The following DENND2B variants were observed in gnomAD, a reference collection of about 807,000 sequenced individuals.
DENND2B encodes the protein DENN domain containing 2B, also known as DENN domain-containing protein 2B.
DENND2B carries 32 observed loss-of-function variants against 116.0 expected under a neutral mutation model. The observed-to-expected ratio is 0.28, with a 90% CI of 0.21 to 0.37. The LOEUF (loss-of-function observed/expected upper bound fraction) is 0.37. Ranked by LOEUF, DENND2B falls within the 10% of genes least tolerant of loss-of-function variation. The probability of loss-of-function intolerance (pLI) is 1.00; values close to 1 mark genes in which losing one functional copy is unlikely to be tolerated. For missense variants in DENND2B, 1,276 were observed against 1,477.7 expected (o/e 0.86, Z 2.24); for synonymous variants, 588 against 583.9 (o/e 1.01, Z -0.10).
At chr11:8,891,580 G>A (rs2064033800) in intron 1 of DENND2B, among the ~76,000 whole-genome samples, 2 of 152,034 alleles carry the variant, frequency 1.3e-5, no homozygotes, top group South Asian at 2.1e-4. Context: ...AAAAAGGCAG[G>A]GGTTGCAATC....
chr11:8,872,521 C>G (rs2063799436), upstream of DENND2B, among the ~76,000 whole-genome samples: 1 of 151,508 alleles, frequency 6.6e-6, no homozygotes, highest in African/African-American at 2.4e-5. Context: ...AAGATACATC[C>G]TGGAAATAAT....
intron 5 of DENND2B, among the ~76,000 whole-genome samples, chr11:8,716,083 T>C (rs754222310): frequency 6.6e-6 from 1 of 152,230 alleles, no homozygotes; most frequent in Non-Finnish European, 1.5e-5. Flanking sequence ...TGCTCTCATC[T>C]GAGTGGAAAA....
In DENND2B at chr11:8,712,056, A is replaced by G. The variant is rs1216965997; in HGVS notation, c.2172+495T>C. 4.4e-6 allele frequency: 2 copies of G among 453,076 alleles called. No homozygotes were observed. Among genetic ancestry groups the G allele is most frequent in the South Asian group, 3.1e-5 (2 of 64,324 alleles). 28.1% of individuals were successfully genotyped at this position (453,076 alleles called of 1,614,324 possible). A position where few individuals can be genotyped will look rare whatever the true frequency, so the allele number is the denominator to read the frequency against. On this transcript the variant is annotated intron_variant, in intron 9 of 19. Transcript: ENST00000313726. This position sits in a 1 kb window ranked among gnomAD's most constrained non-coding sequence, Gnocchi z 4.4. ...ACATTCCTGGCAGAGGCAATGGCAG[A>G]GAGAGAGGGGTTGAGTGTGAGAGGA...
intron 4 of DENND2B, among the ~76,000 whole-genome samples, chr11:8,722,810 A>G (rs965865494): frequency 6.6e-6 from 1 of 152,114 alleles, no homozygotes; most frequent in Non-Finnish European, 1.5e-5. Flanking sequence ...CATCCGATGC[A>G]GTATATTCCC....
At chr11:8,785,760 T>A (rs2058844101) in intron 1 of DENND2B, 1 of 152,216 alleles carries the variant, frequency 6.6e-6, no homozygotes, top group Non-Finnish European at 1.5e-5. Context: ...CTCCCATTTG[T>A]ACATGGAAGG....
At chr11:8,711,256 A>G (rs1388696040) in intron 9 of DENND2B, 25 bp from the exon 10 acceptor site, 1 of 1,609,202 alleles carries the variant, frequency 6.2e-7, no homozygotes, top group East Asian at 2.2e-5. Flanking sequence ...GAACCAGGAG[A>G]TGACATGGAA....
chr11:8,812,356 G>A (rs968396444), upstream of DENND2B, among the ~76,000 whole-genome samples: 6 of 152,090 alleles, frequency 3.9e-5, no homozygotes, highest in Non-Finnish European at 5.9e-5. Context: ...TGCACAGCTC[G>A]GAGAAAAAGC....
intron 3 of DENND2B, among the ~76,000 whole-genome samples, chr11:8,728,723 C>T (rs886776406): frequency 6.6e-6 from 1 of 152,172 alleles, no homozygotes. Flanking sequence ...TGGGTCTCTG[C>T]GGCCTCCTGC....
intron 4 of DENND2B, among the ~76,000 whole-genome samples, chr11:8,831,338 A>G (rs1258204757): frequency 6.6e-6 from 1 of 152,168 alleles, no homozygotes. Flanking sequence ...TGCAAGCATA[A>G]CCTAGCATGC....
At chr11:8,865,877 G>C (rs1239928545) in intron 2 of DENND2B, among the ~76,000 whole-genome samples, 1 of 150,894 alleles carries the variant, frequency 6.6e-6, no homozygotes, top group Non-Finnish European at 1.5e-5. Flanking sequence ...CCAGTCCTGG[G>C]GAATTGTCCA....
intron 1 of DENND2B, among the ~76,000 whole-genome samples, chr11:8,883,565 T>G (rs1231884867): frequency 6.6e-6 from 1 of 152,200 alleles, no homozygotes; most frequent in East Asian, 1.9e-4. Flanking sequence ...CACAAACATC[T>G]CATAAGTGTT....
chr11:8,864,823 C>T (rs2063522258), intron 2 of DENND2B, among the ~76,000 whole-genome samples: 1 of 152,090 alleles, frequency 6.6e-6, no homozygotes, highest in Non-Finnish European at 1.5e-5. Context: ...CACTTTTTAC[C>T]CCACTCTAGT....
chr11:8,850,131 T>TCACA (rs377563197), intron 3 of DENND2B, among the ~76,000 whole-genome samples: 1 of 150,938 alleles, frequency 6.6e-6, no homozygotes, highest in East Asian at 1.9e-4. Context: ...GGATACCCAG[T>TCACA]CACACACACA....
chr11:8,711,290 G>C, intron 9 of DENND2B, 59 bp from the exon 10 acceptor site: 2 of 1,492,588 alleles, frequency 1.3e-6, no homozygotes, highest in Non-Finnish European at 1.9e-6. Context: ...GGTGGTGGCT[G>C]AGAAGCCCCT....
chr11:8,795,048 G>A (rs565764395), intron 1 of DENND2B, among the ~76,000 whole-genome samples: 12 of 152,326 alleles, frequency 7.9e-5, no homozygotes, highest in Admixed American at 1.3e-4. Context: ...GCTGACTGGC[G>A]GGGGGAAGCT....
chr11:8,881,906 T>A (rs1262248632), intron 1 of DENND2B, among the ~76,000 whole-genome samples: 2 of 152,180 alleles, frequency 1.3e-5, no homozygotes, highest in Admixed American at 6.5e-5. Flanking sequence ...AACTTCTCTA[T>A]TCTCTTAATA....
chr11:8,796,487 CA>C (rs1565967404), intron 1 of DENND2B, among the ~76,000 whole-genome samples: 1 of 152,160 alleles, frequency 6.6e-6, no homozygotes, highest in Non-Finnish European at 1.5e-5. Context: ...TGCAGTGAGC[CA>C]AGACCATGCC....
At chr11:8,717,933 A>G in intron 4 of DENND2B, 41 bp from the exon 5 acceptor site, 3 of 1,592,924 alleles carry the variant, frequency 1.9e-6, no homozygotes, top group South Asian at 2.2e-5. Context: ...AGAAGGGAAG[A>G]AGGAAACACA....
intron 1 of DENND2B, among the ~76,000 whole-genome samples, chr11:8,786,668 G>T (rs991352350): frequency 4.6e-5 from 7 of 152,130 alleles, no homozygotes; most frequent in African/African-American, 1.7e-4. Context: ...AAATTAGCTG[G>T]GCATGGTGGT....
Sources: gnomAD v4.1 joint callset for allele counts (sites outside exome capture counted in the v4.1 genomes callset) on GRCh38, gnomAD v4.1.1 for gene constraint, Gnocchi (gnomAD v3.1) non-coding constraint, MANE v1.5 for transcripts, NCBI Gene and HGNC (gene_info 2026-07-23, HGNC 2026-07-21) for gene names.